KBTBD12: variants seen among roughly 807,000 people sequenced by gnomAD.
KBTBD12 encodes kelch repeat and BTB domain containing 12.
In KBTBD12, 53 loss-of-function variants were observed where a neutral mutation model predicts 58.7. The ratio of observed to expected loss-of-function variants is 0.90; its 90% CI spans 0.72 to 1.14. The LOEUF is 1.14. KBTBD12 is among the 50% of genes most tolerant of loss of function. The pLI, the probability that KBTBD12 is intolerant of heterozygous loss-of-function variation, is 0.00. For synonymous variants in KBTBD12, 236 were observed against 259.8 expected, an observed-to-expected ratio of 0.91 and a Z score of 0.88; for missense variants, 704 against 751.3, an observed-to-expected ratio of 0.94 and a Z score of 0.74.
At chr3:127,954,017 C>T (rs749080145) in intron 4 of KBTBD12, among the ~76,000 whole-genome samples, 23 of 151,994 alleles carry the variant, frequency 1.5e-4, no homozygotes, top group Non-Finnish European at 2.8e-4. Context: ...TTCTCAGGAA[C>T]GTAACTATTT....
At chr3:127,952,705 G>C (rs1166776000) in intron 4 of KBTBD12, among the ~76,000 whole-genome samples, 1 of 152,126 alleles carries the variant, frequency 6.6e-6, no homozygotes, top group African/African-American at 2.4e-5. Flanking sequence ...CATTGCTCAG[G>C]GTTTTCACTT....
At chr3:127,981,769 G>A (rs1042934229) in intron 5 of KBTBD12, among the ~76,000 whole-genome samples, 6 of 152,096 alleles carry the variant, frequency 3.9e-5, no homozygotes, top group East Asian at 1.9e-4. Flanking sequence ...GTGAAACCCC[G>A]TCTCTAATAA....
chr3:127,972,960 A>C (rs915227522), intron 5 of KBTBD12, among the ~76,000 whole-genome samples: 2 of 152,224 alleles, frequency 1.3e-5, no homozygotes, highest in Non-Finnish European at 2.9e-5. Context: ...AAAGGTTATA[A>C]AGAACAGGAT....
At chr3:127,922,493 C>T (rs1393315589) in intron 1 of KBTBD12, among the ~76,000 whole-genome samples, 2 of 152,040 alleles carry the variant, frequency 1.3e-5, no homozygotes, top group East Asian at 3.8e-4. Context: ...GTACAAGGCC[C>T]CAGTCATGAA....
At position 127,915,342 on chromosome 3, in the gene KBTBD12, C is replaced by T; in HGVS notation, c.-357C>T. 1 of 152,612 alleles carries T rather than the reference C, an allele frequency of 6.6e-6. No homozygotes were observed. The highest frequency in any genetic ancestry group is 1.5e-5 in the Non-Finnish European group (1 of 68,254). 9.5% of individuals were successfully genotyped at this position (152,612 alleles called of 1,614,324 possible). A position where few individuals can be genotyped will look rare whatever the true frequency, so the allele number is the denominator to read the frequency against. ...GCGCAGGCGCACAGTGGCTGGAGGG[C>T]AGCGGCGGCGTGGTCTCGGGCCACT... On this transcript the variant is annotated 5_prime_UTR_variant, in exon 1 of 6. Transcript: ENST00000405109.
chr3:127,932,809 A>C (rs1356551789), intron 4 of KBTBD12, among the ~76,000 whole-genome samples: 1 of 152,182 alleles, frequency 6.6e-6, no homozygotes, highest in Non-Finnish European at 1.5e-5. Context: ...CAGATATTGT[A>C]AATTCTGTTT....
At chr3:127,934,630 A>C (rs923551351) in intron 4 of KBTBD12, among the ~76,000 whole-genome samples, 21 of 152,302 alleles carry the variant, frequency 1.4e-4, no homozygotes, top group Middle Eastern at 3.4e-3. Context: ...TAACAGAAGA[A>C]CTACTAAAGA....
rs1939609541 is a variant in KBTBD12 at position 127,927,749 on chromosome 3, C to T, written c.1071-15C>T. On this transcript the variant is annotated splice_polypyrimidine_tract_variant and intron_variant, in intron 2 of 5. Coordinates refer to ENST00000405109, the MANE Select transcript of KBTBD12 (RefSeq NM_207335.4). ...TGTTACCTCTAATCCTGGATACTCTCTCTCTCTTTTGCAGGTATCATGATA... is the reference window on the plus strand; with the variant it reads ...TGTTACCTCTAATCCTGGATACTCTTTCTCTCTTTTGCAGGTATCATGATA... 1 of 1,467,362 alleles carries T rather than the reference C, an allele frequency of 6.8e-7. No individual in the cohort carries two copies. The highest frequency in any genetic ancestry group is 9.1e-7 in the Non-Finnish European group (1 of 1,104,560). 90.9% of individuals were successfully genotyped at this position (1,467,362 alleles called of 1,614,324 possible).
At chr3:127,983,252 A>C (rs1940903567) in intron 5 of KBTBD12, among the ~76,000 whole-genome samples, 1 of 152,134 alleles carries the variant, frequency 6.6e-6, no homozygotes, top group Non-Finnish European at 1.5e-5. Flanking sequence ...TTGTTAATTA[A>C]TTTTTGGTGC....
chr3:127,944,147 G>C (rs1940020910), intron 4 of KBTBD12, among the ~76,000 whole-genome samples: 1 of 152,068 alleles, frequency 6.6e-6, no homozygotes, highest in Non-Finnish European at 1.5e-5. Flanking sequence ...TTTTTCTCAA[G>C]ATTACTTCAG....
chr3:127,963,729 A>G (rs1940502199), intron 5 of KBTBD12: 4 of 200,598 alleles, frequency 2.0e-5, no homozygotes, highest in South Asian at 2.5e-4. Context: ...TACAGCATCT[A>G]GCACATAGTA....
chr3:127,981,979 T>C (rs1266005237), intron 5 of KBTBD12, among the ~76,000 whole-genome samples: 2 of 152,202 alleles, frequency 1.3e-5, no homozygotes, highest in Non-Finnish European at 2.9e-5. Context: ...CATTATCTTC[T>C]TTAATTACCA....
chr3:127,971,540 G>A (rs568973440), intron 5 of KBTBD12, among the ~76,000 whole-genome samples: 1 of 152,262 alleles, frequency 6.6e-6, no homozygotes, highest in South Asian at 2.1e-4. Flanking sequence ...CTGTTTCCCC[G>A]AACTCTGGTG....
chr3:127,969,369 G>T (rs1293261204), intron 5 of KBTBD12, among the ~76,000 whole-genome samples: 1 of 151,996 alleles, frequency 6.6e-6, no homozygotes, highest in Non-Finnish European at 1.5e-5. Flanking sequence ...AACAAAAAAA[G>T]TACAGGATTT....
At chr3:127,956,916 T>G (rs1156789832) in intron 4 of KBTBD12, among the ~76,000 whole-genome samples, 1 of 152,258 alleles carries the variant, frequency 6.6e-6, no homozygotes, top group African/African-American at 2.4e-5. Flanking sequence ...GCAGATCATT[T>G]TGTTACTCCT....
At position 127,939,094 on chromosome 3, in the gene KBTBD12, G is replaced by A. The variant is rs144234777; in HGVS notation, c.1492+8811G>A. Among the ~76,000 whole-genome samples, 953 of 152,300 alleles carry A rather than the reference G, an allele frequency of 6.3e-3. 2 individuals carry two copies. Among genetic ancestry groups the A allele is most frequent in the Non-Finnish European group, 9.8e-3 (667 of 68,020 alleles). On this transcript the variant is annotated intron_variant, in intron 4 of 5. Coordinates refer to ENST00000405109, the MANE Select transcript of KBTBD12 (RefSeq NM_207335.4). ...AAAGGGAGGTTATAATTATCAGAAT[G>A]TAGATATCCCCTCACTTTTTTCTCT...
chr3:127,927,683 C>G lies in KBTBD12; in HGVS notation c.1071-81C>G, dbSNP rs936097714. On this transcript the variant is annotated intron_variant, in intron 2 of 5. Transcript: ENST00000405109. Reference sequence around the variant, plus strand: ...AGAACCATATCTCATTATTTTTGGTCAGAAAATAAATAAGTGTATTTCTTG... The same window carrying G: ...AGAACCATATCTCATTATTTTTGGTGAGAAAATAAATAAGTGTATTTCTTG... 15 of 1,068,572 alleles carry G rather than the reference C, an allele frequency of 1.4e-5. No homozygotes were observed. The African/African-American group carries it at 2.1e-4, about 15-fold the overall frequency. The allele number at this position is 1,068,572 out of a possible 1,614,324, so 66.2% of individuals were successfully genotyped here. A position where few individuals can be genotyped will look rare whatever the true frequency, so the allele number is the denominator to read the frequency against.
chr3:127,930,424 C>A, intron 4 of KBTBD12, 141 bp downstream of exon 4: 1 of 765,902 alleles, frequency 1.3e-6, no homozygotes, highest in Non-Finnish European at 2.1e-6. Flanking sequence ...TCTTTTATTT[C>A]TTGTTTTCTA....
At chr3:127,928,088 T>C in intron 3 of KBTBD12, 54 bp downstream of exon 3, 1 of 1,452,772 alleles carries the variant, frequency 6.9e-7, no homozygotes, top group East Asian at 2.3e-5. Context: ...GTCTGGCTGC[T>C]ATGTTAAACA....
Sources: gnomAD v4.1 joint callset for allele counts (sites outside exome capture counted in the v4.1 genomes callset) on GRCh38, gnomAD v4.1.1 for gene constraint, MANE v1.5 for transcripts, NCBI Gene and HGNC (gene_info 2026-07-23, HGNC 2026-07-21) for gene names.